ALMS1: variants seen among roughly 807,000 people sequenced by gnomAD.
ALMS1 encodes centrosome-associated protein ALMS1.
Under a neutral mutation model 352.2 loss-of-function variants are expected in ALMS1, and 271 were observed. The observed-to-expected ratio is 0.77, with a 90% CI of 0.70 to 0.85. The LOEUF (loss-of-function observed/expected upper bound fraction) is 0.85. Among genes scored for constraint, ALMS1 ranks in the 40% least tolerant of loss-of-function variants. The pLI, the probability that ALMS1 is intolerant of heterozygous loss-of-function variation, is 0.00. For missense variants in ALMS1, 5,445 were observed against 4,870.7 expected (o/e 1.12, Z -3.51); for synonymous variants, 1,865 against 1,761.2 (o/e 1.06, Z -1.48).
Position 73,385,960 on chromosome 2 carries a change from C to T in ALMS1, c.92C>T (p.Ala31Val), listed in dbSNP as rs1176943202. The T allele has an allele frequency of 2.9e-6, 4 of 1,399,374 alleles. No homozygotes were observed. Among genetic ancestry groups the T allele is most frequent in the Non-Finnish European group, 3.0e-6 (3 of 1,014,696 alleles). 86.7% of individuals were successfully genotyped at this position (1,399,374 alleles called of 1,614,324 possible). ...GAGGAGGAAGAGGAGGAGGCTGCAG[C>T]GGCGGCGGCGGCGAACGTGGACGAC... ...EEEEEEEEAA[A>V]AAAANVDDVV... The change falls in exon 1 of 23, where the codon GCG (alanine) becomes GTG (valine). Residue 31 changes from alanine to valine, a missense_variant. Ala to Val is a moderately conservative substitution (Grantham distance 64). Coordinates refer to ENST00000613296, the MANE Select transcript of ALMS1 (RefSeq NM_001378454.1).
intron 10 of ALMS1, among the ~76,000 whole-genome samples, chr2:73,512,507 A>G (rs530793710): frequency 2.0e-5 from 3 of 151,794 alleles, no homozygotes; most frequent in East Asian, 1.9e-4. Flanking sequence ...CCCATTTACT[A>G]TCTATATGTT....
In ALMS1 at chr2:73,451,916, G is replaced by A. The variant is rs1324820452; in HGVS notation, c.5389G>A (p.Gly1797Arg). Residue 1797 changes from glycine (G) to arginine (R), a missense_variant, in exon 8 of 23, where the codon GGG becomes AGG. Gly to Arg is a moderately radical substitution (Grantham distance 125, BLOSUM62 -2). Transcript: ENST00000613296. ...NVPGPADQKT[G>R]VSTVTSTSYS... ...TCCTGGACCAGCTGACCAGAAGACT[G>A]GGGTATCAACAGTAACCTCTACTTC... The A allele has an allele frequency of 1.2e-6, 2 of 1,614,100 alleles. No individual in the cohort carries two copies. Among genetic ancestry groups the A allele is most frequent in the Non-Finnish European group, 1.7e-6 (2 of 1,180,000 alleles).
intron 15 of ALMS1, among the ~76,000 whole-genome samples, chr2:73,560,216 C>T (rs1474691365): frequency 3.3e-5 from 5 of 152,030 alleles, no homozygotes; most frequent in East Asian, 1.9e-4. Context: ...TTTAAAAACA[C>T]GTAACTTATT....
chr2:73,503,092 T>G (rs1452168089), intron 10 of ALMS1, among the ~76,000 whole-genome samples: 2 of 152,126 alleles, frequency 1.3e-5, no homozygotes, highest in Non-Finnish European at 2.9e-5. Flanking sequence ...AATGTCTTTT[T>G]TTTTATTTTT....
chr2:73,449,915 G>T lies in ALMS1; in HGVS notation c.3388G>T (p.Ala1130Ser), dbSNP rs1023868043. 6.2e-7 allele frequency: 1 copy of T among 1,613,890 alleles called. No individual in the cohort carries two copies. The highest frequency in any genetic ancestry group is 8.5e-7 in the Non-Finnish European group (1 of 1,179,948). Residue 1130 changes from alanine (A) to serine (S), a missense_variant, in exon 8 of 23, where the codon GCA becomes TCA. Transcript: ENST00000613296. ...ALKISVAPGL[A>S]DQKTGTPTVT... ...GAAAATTTCAGTAGCTCCTGGACTA[G>T]CAGACCAGAAGACTGGCACACCAAC...
At chr2:73,463,103 A>G (rs184856276) in intron 9 of ALMS1, among the ~76,000 whole-genome samples, 21 of 152,328 alleles carry the variant, frequency 1.4e-4, no homozygotes, top group South Asian at 6.2e-4. Context: ...TGCACCAAGC[A>G]GACCTAATAG....
intron 5 of ALMS1, 130 bp from the exon 6 acceptor site, chr2:73,426,323 T>A: frequency 2.3e-6 from 2 of 881,488 alleles, no homozygotes; most frequent in African/African-American, 3.3e-5. Context: ...CAGTGATGCA[T>A]CATTAATTGC....
In ALMS1 at chr2:73,557,325, A is replaced by G. The variant is rs768431596; in HGVS notation, c.10184A>G (p.Glu3395Gly). 11 of 1,614,166 alleles carry G rather than the reference A, an allele frequency of 6.8e-6. No homozygotes were observed. The East Asian group carries it at 2.5e-4, about 36-fold the overall frequency. The change falls in exon 14 of 23, where the codon GAA becomes GGA. Residue 3395 changes from glutamate to glycine, a missense_variant. By Grantham distance (98) the Glu-to-Gly change is moderately conservative. Coordinates refer to ENST00000613296, the MANE Select transcript of ALMS1 (RefSeq NM_001378454.1). Reference protein sequence around the residue: ...RAVTEAAQAKEKESLQKDTAD... With the variant: ...RAVTEAAQAKGKESLQKDTAD... Reference sequence around the variant, plus strand: ...GTGACTGAGGCTGCCCAGGCTAAAGAAAAAGAATCTTTGCAGAAAGATACT... The same window carrying G: ...GTGACTGAGGCTGCCCAGGCTAAAGGAAAAGAATCTTTGCAGAAAGATACT...
chr2:73,599,902 TA>T (rs1380250293), intron 17 of ALMS1, among the ~76,000 whole-genome samples: 1 of 152,238 alleles, frequency 6.6e-6, no homozygotes, highest in African/African-American at 2.4e-5. Context: ...AATTAACCAC[TA>T]AAACATTGTT....
intron 12 of ALMS1, among the ~76,000 whole-genome samples, chr2:73,541,874 C>T (rs990686038): frequency 5.3e-5 from 8 of 152,104 alleles, no homozygotes; most frequent in African/African-American, 1.4e-4. Flanking sequence ...AGGCAATAAT[C>T]GATAGCTTAC....
chr2:73,507,691 G>A (rs1204369928), intron 10 of ALMS1, among the ~76,000 whole-genome samples: 7 of 152,060 alleles, frequency 4.6e-5, no homozygotes, highest in Non-Finnish European at 8.8e-5. Context: ...CTGGCTAGTG[G>A]TCTATCTATT....
chr2:73,435,151 G>A (rs1464741079), intron 7 of ALMS1, among the ~76,000 whole-genome samples: 1 of 152,124 alleles, frequency 6.6e-6, no homozygotes, highest in African/African-American at 2.4e-5. Context: ...TGTATCTGCT[G>A]TAAAGAGCAT....
intron 1 of ALMS1, among the ~76,000 whole-genome samples, chr2:73,401,060 A>G (rs1670863839): frequency 6.6e-6 from 1 of 152,160 alleles, no homozygotes; most frequent in Non-Finnish European, 1.5e-5. Flanking sequence ...GTGCTGGGAT[A>G]ACAAGAGTGA....
intron 7 of ALMS1, among the ~76,000 whole-genome samples, chr2:73,443,299 C>T (rs1331055035): frequency 1.3e-5 from 2 of 152,088 alleles, no homozygotes; most frequent in Non-Finnish European, 2.9e-5. Context: ...TAGTGAACTA[C>T]TCTCATTTCT....
intron 21 of ALMS1, chr2:73,603,741 T>A: frequency 4.5e-6 from 1 of 224,654 alleles, no homozygotes; most frequent in South Asian, 6.5e-5. Flanking sequence ...ACGCCTGTAA[T>A]CCCAGCTACT....
At chr2:73,441,100 C>A (rs780505995) in intron 7 of ALMS1, among the ~76,000 whole-genome samples, 2 of 152,148 alleles carry the variant, frequency 1.3e-5, no homozygotes, top group African/African-American at 2.4e-5. Context: ...TGGGCCTGCC[C>A]CTGGACCAAC....
intron 7 of ALMS1, among the ~76,000 whole-genome samples, chr2:73,443,479 A>T (rs1271647416): frequency 6.6e-6 from 1 of 152,152 alleles, no homozygotes; most frequent in Non-Finnish European, 1.5e-5. Context: ...ACTGTTCACC[A>T]TGACTCTTTA....
At chr2:73,512,077 T>G (rs1263592030) in intron 10 of ALMS1, among the ~76,000 whole-genome samples, 1 of 152,130 alleles carries the variant, frequency 6.6e-6, no homozygotes, top group Non-Finnish European at 1.5e-5. Flanking sequence ...TATATTTTTA[T>G]TTTTTTGAGA....
At chr2:73,424,211 T>C (rs1338125236) in intron 4 of ALMS1, among the ~76,000 whole-genome samples, 2 of 152,164 alleles carry the variant, frequency 1.3e-5, no homozygotes, top group Non-Finnish European at 2.9e-5. Context: ...TGAGATAATA[T>C]CAGGGTTATA....
Sources: gnomAD v4.1 joint callset for allele counts (sites outside exome capture counted in the v4.1 genomes callset) on GRCh38, gnomAD v4.1.1 for gene constraint, MANE v1.5 for transcripts, NCBI Gene and HGNC (gene_info 2026-07-23, HGNC 2026-07-21) for gene names.